Variants in RBL1 observed in about 807,000 individuals in gnomAD.
RBL1 encodes the protein RB transcriptional corepressor like 1.
A neutral mutation model predicts 123.0 loss-of-function variants in RBL1; 82 were observed. The observed-to-expected ratio is 0.67, with a 90% CI of 0.56 to 0.80. The LOEUF is 0.80. RBL1 is among the 30% of genes least tolerant of loss of function. The probability of loss-of-function intolerance (pLI) is 0.00; values close to 1 mark genes in which losing one functional copy is unlikely to be tolerated. For missense variants in RBL1, 1,171 were observed against 1,299.6 expected, an observed-to-expected ratio of 0.90 and a Z score of 1.52; for synonymous variants, 405 against 441.3, an observed-to-expected ratio of 0.92 and a Z score of 1.03.
At chr20:37,044,556 C>G (rs558883447) in intron 12 of RBL1, among the ~76,000 whole-genome samples, 133 of 152,270 alleles carry the variant, frequency 8.7e-4, no homozygotes, top group Non-Finnish European at 1.5e-3. Flanking sequence ...CTAGGCTGGT[C>G]TAGAACTCCT....
chr20:37,051,594 T>C (rs2064914776), intron 11 of RBL1, among the ~76,000 whole-genome samples: 1 of 152,090 alleles, frequency 6.6e-6, no homozygotes, highest in Admixed American at 6.6e-5. Flanking sequence ...GTAAGATTTC[T>C]ATACTTTACT....
chr20:37,058,794 G>A (rs1041083674), intron 9 of RBL1, among the ~76,000 whole-genome samples: 7 of 150,498 alleles, frequency 4.7e-5, no homozygotes, highest in African/African-American at 1.5e-4. Context: ...ATAGGGTCTC[G>A]CTCTGTTGCC....
chr20:37,055,705 A>C, intron 10 of RBL1, 49 bp from the exon 11 acceptor site: 2 of 1,507,050 alleles, frequency 1.3e-6, no homozygotes, highest in African/African-American at 1.4e-5. Flanking sequence ...TTTAGTTGTT[A>C]AGGACTGAAA....
rs968635584 is a variant in RBL1 at position 37,049,523 on chromosome 20, G to C, written c.1468-2333C>G. The C allele has an allele frequency of 4.0e-6, 3 of 755,860 alleles. No homozygotes were observed. In the African/African-American group the frequency reaches 5.1e-5, roughly 13 times the overall value. The allele number at this position is 755,860 out of a possible 1,614,324, so 46.8% of individuals were successfully genotyped here. ...ACTCCCAAGAAGAGTAAGCACAAGA[G>C]AAAGAAGGTTAAGCTGGCTATCCTG... On this transcript the variant is annotated intron_variant, in intron 11 of 21. Transcript: ENST00000373664.
chr20:37,040,205 TAG>T lies in RBL1; in HGVS notation c.1849_1850del (p.Leu617AsnfsTer11). On this transcript the variant is annotated frameshift_variant, in exon 14 of 22. Coordinates refer to ENST00000373664, the MANE Select transcript of RBL1 (RefSeq NM_002895.5). LOFTEE classifies it high-confidence loss of function. ...GHLPLMPMSPLMHPRVKEVRT... is the reference protein window; with the variant it reads ...GHLPLMPMSPXMHPRVKEVRT... ...GAACTTCCTTGACTCTTGGGTGCATTAGAGGAGACATTGGCATCAGGGGAAGA... is the reference window on the plus strand; with the variant it reads ...GAACTTCCTTGACTCTTGGGTGCATTAGGAGACATTGGCATCAGGGGAAGA... 1 of 1,614,116 alleles carries T rather than the reference TAG, an allele frequency of 6.2e-7. No individual in the cohort carries two copies. Among genetic ancestry groups the T allele is most frequent in the Non-Finnish European group, 8.5e-7 (1 of 1,180,006 alleles).
intron 7 of RBL1, among the ~76,000 whole-genome samples, chr20:37,064,201 G>A (rs746432563): frequency 4.8e-5 from 7 of 145,272 alleles, no homozygotes; most frequent in Admixed American, 1.4e-4. Flanking sequence ...GCAGTGGTGC[G>A]ATCTCAACTT....
chr20:37,005,199 G>A (rs2064050846), intron 20 of RBL1, among the ~76,000 whole-genome samples: 1 of 152,016 alleles, frequency 6.6e-6, no homozygotes, highest in Admixed American at 6.6e-5. Flanking sequence ...ATGAGGTCAG[G>A]AGTTCAAGAC....
rs2064289683 is a variant in RBL1 at position 37,018,357 on chromosome 20, C to T, written c.2644G>A (p.Val882Ile). The T allele has an allele frequency of 6.2e-7, 1 of 1,611,864 alleles. No individual in the cohort carries two copies. The highest frequency in any genetic ancestry group is 2.2e-5 in the East Asian group (1 of 44,746). ...TCTCTTGGAATACTTTTCAGCAGAA[C>T]ACTTCTATATACCTACATGCCAGAG... is the stretch of plus-strand genomic sequence containing the variant. ...PQANSHVYRS[V>I]LLKSIPREVV... Residue 882 changes from valine to isoleucine, a missense_variant, in exon 19 of 22, where the codon GTT becomes ATT. Coordinates refer to ENST00000373664, the MANE Select transcript of RBL1 (RefSeq NM_002895.5).
intron 2 of RBL1, chr20:37,082,027 C>A (rs549432403): frequency 1.3e-5 from 6 of 456,172 alleles, no homozygotes; most frequent in South Asian, 9.3e-5. Flanking sequence ...GCAGCAGCAG[C>A]CCCTAGAAGA....
intron 18 of RBL1, among the ~76,000 whole-genome samples, chr20:37,019,358 CT>C (rs1007815411): frequency 2.6e-4 from 40 of 152,290 alleles, no homozygotes; most frequent in African/African-American, 8.9e-4. Flanking sequence ...TCCATTCCCC[CT>C]TGTACTGTAT....
At chr20:37,089,433 T>C (rs1309921322) in intron 1 of RBL1, among the ~76,000 whole-genome samples, 2 of 151,918 alleles carry the variant, frequency 1.3e-5, no homozygotes, top group Non-Finnish European at 2.9e-5. Flanking sequence ...CGAGTATCAC[T>C]TGATGCCAGG....
At chr20:37,074,801 G>C (rs1352832767) in intron 2 of RBL1, among the ~76,000 whole-genome samples, 1 of 152,034 alleles carries the variant, frequency 6.6e-6, no homozygotes, top group Admixed American at 6.6e-5. Flanking sequence ...CTCCAGCCTG[G>C]GTGACAGAGT....
At chr20:37,037,513 A>T (rs888810984) in intron 14 of RBL1, among the ~76,000 whole-genome samples, 4 of 148,264 alleles carry the variant, frequency 2.7e-5, no homozygotes, top group African/African-American at 1.1e-4. Context: ...ATAGTATACT[A>T]AATATTTTTA....
chr20:37,001,254 G>C (rs1180386873), intron 21 of RBL1, among the ~76,000 whole-genome samples: 1 of 152,046 alleles, frequency 6.6e-6, no homozygotes, highest in Admixed American at 6.5e-5. Flanking sequence ...CCCCGTCTGG[G>C]AGGTGTACTC....
intron 8 of RBL1, 37 bp from the exon 9 acceptor site, chr20:37,061,306 T>G: frequency 6.3e-7 from 1 of 1,598,286 alleles, no homozygotes; most frequent in South Asian, 1.1e-5. Flanking sequence ...TTTTAAAAGT[T>G]ACCATCTTCC....
At chr20:37,005,052 A>C (rs2064048485) in intron 20 of RBL1, among the ~76,000 whole-genome samples, 1 of 152,032 alleles carries the variant, frequency 6.6e-6, no homozygotes, top group African/African-American at 2.4e-5. Flanking sequence ...AAAGAAAAAA[A>C]AAATTCTGGA....
chr20:37,042,682 C>G (rs759629598), intron 13 of RBL1, among the ~76,000 whole-genome samples: 71 of 151,804 alleles, frequency 4.7e-4, no homozygotes, highest in African/African-American at 1.5e-3. Flanking sequence ...GTGGGAGGAT[C>G]GCTTGAGCCC....
chr20:37,022,202 G>T (rs1434319459), intron 17 of RBL1, among the ~76,000 whole-genome samples: 5 of 152,126 alleles, frequency 3.3e-5, no homozygotes, highest in African/African-American at 1.2e-4. Flanking sequence ...AGATATATGA[G>T]AATTTTAAAA....
chr20:37,037,375 C>T lies in RBL1; in HGVS notation c.1904-1867G>A, dbSNP rs6030927. On this transcript the variant is annotated intron_variant, in intron 14 of 21. Transcript: ENST00000373664. ...CAAATTTAGAAACATGACAATCTGT[C>T]AAGGTACAGAAAAGATGCTCACTTA... 5.4e-3 allele frequency among the ~76,000 whole-genome samples: 825 copies of T among 152,204 alleles called. 8 individuals are homozygous for T. Among genetic ancestry groups the T allele is most frequent in the African/African-American group, 0.019 (782 of 41,536 alleles).
Sources: allele counts gnomAD v4.1 joint callset (sites outside exome capture counted in the v4.1 genomes callset), GRCh38; gene constraint gnomAD v4.1.1; transcripts MANE v1.5; gene names NCBI Gene and HGNC (gene_info 2026-07-23, HGNC 2026-07-21).